NLN: variants seen among roughly 807,000 people sequenced by gnomAD.
The protein encoded by NLN is neurolysin.
A neutral mutation model predicts 79.9 loss-of-function variants in NLN; 64 were observed. The ratio of observed to expected loss-of-function variants is 0.80; its 90% CI spans 0.65 to 0.99. The LOEUF (loss-of-function observed/expected upper bound fraction) is 0.99. Among genes scored for constraint, NLN ranks in the 50% least tolerant of loss-of-function variants. The probability of loss-of-function intolerance (pLI) is 0.00; values close to 1 mark genes in which losing one functional copy is unlikely to be tolerated. For missense variants in NLN, 835 were observed against 858.7 expected (o/e 0.97, Z 0.34); for synonymous variants, 267 against 296.6 (o/e 0.90, Z 1.02).
chr5:65,737,627 T>C (rs1966569), intron 1 of NLN, among the ~76,000 whole-genome samples: 35,974 of 152,010 alleles, frequency 0.24, 4,396 homozygotes, highest in African/African-American at 0.27. Context: ...GGAGTATAGG[T>C]CTAGATCTGG....
chr5:65,778,854 C>T (rs897570093), intron 4 of NLN, among the ~76,000 whole-genome samples: 22 of 152,192 alleles, frequency 1.4e-4, no homozygotes, highest in Admixed American at 2.0e-4. Context: ...CAGTAAACCT[C>T]TCCTCATGTC....
chr5:65,791,169 C>G (rs1383094523), intron 8 of NLN, among the ~76,000 whole-genome samples: 5 of 152,172 alleles, frequency 3.3e-5, no homozygotes, highest in Non-Finnish European at 7.4e-5. Flanking sequence ...TGGCTGTAAT[C>G]CCAGCACTTT....
At chr5:65,813,636 G>A (rs1244225726) in intron 12 of NLN, among the ~76,000 whole-genome samples, 1 of 152,066 alleles carries the variant, frequency 6.6e-6, no homozygotes, top group Non-Finnish European at 1.5e-5. Context: ...AGAAAATTAA[G>A]ATCATTGAAG....
chr5:65,804,035 G>A (rs1371857315), intron 9 of NLN, among the ~76,000 whole-genome samples: 1 of 152,222 alleles, frequency 6.6e-6, no homozygotes, highest in Admixed American at 6.5e-5. Context: ...TTCTAAGGAA[G>A]CACACTGAAA....
chr5:65,745,406 T>A (rs1332638906), intron 1 of NLN, among the ~76,000 whole-genome samples: 1 of 152,180 alleles, frequency 6.6e-6, no homozygotes, highest in African/African-American at 2.4e-5. Flanking sequence ...CAGATACTTT[T>A]CAGTTTATAA....
intron 1 of NLN, among the ~76,000 whole-genome samples, chr5:65,741,770 C>A (rs1329435347): frequency 6.6e-6 from 1 of 152,158 alleles, no homozygotes; most frequent in African/African-American, 2.4e-5. Context: ...ATTTGTGAAG[C>A]AGCACTTGAT....
At chr5:65,732,328 CAGGGGTTCAGATCT>C (rs1253910201) in intron 1 of NLN, among the ~76,000 whole-genome samples, 3 of 89,214 alleles carry the variant, frequency 3.4e-5, no homozygotes, top group Non-Finnish European at 7.7e-5. Context: ...GCTAGTTAGT[CAGGGGTTCAGATCT>C]AGGGAGGGTG....
chr5:65,743,503 A>ATGTT (rs751812577), intron 1 of NLN, among the ~76,000 whole-genome samples: 93 of 152,362 alleles, frequency 6.1e-4, no homozygotes, highest in Non-Finnish European at 1.0e-3. Context: ...AAATAAAAGT[A>ATGTT]TGTTACTCTA....
intron 3 of NLN, among the ~76,000 whole-genome samples, chr5:65,774,655 G>C (rs1035755135): frequency 6.6e-6 from 1 of 151,348 alleles, no homozygotes; most frequent in African/African-American, 2.4e-5. Context: ...GATTTCTGTT[G>C]TGTCATTTTT....
At position 65,810,162 on chromosome 5, in the gene NLN, C is replaced by G. The variant is rs1190494767; in HGVS notation, c.1840C>G (p.Pro614Ala). 6.2e-7 allele frequency: 1 copy of G among 1,613,488 alleles called. No individual in the cohort carries two copies. Among genetic ancestry groups the G allele is most frequent in the Non-Finnish European group, 8.5e-7 (1 of 1,179,618 alleles). The change falls in exon 11 of 13, where the codon CCA (proline) becomes GCA (alanine). Residue 614 changes from proline to alanine, a missense_variant. By Grantham distance (27) the Pro-to-Ala change is conservative. Coordinates refer to ENST00000380985, the MANE Select transcript of NLN (RefSeq NM_020726.5). ...AGAAATATTAGGAGTTGCAGCTACT[C>G]CAGGTATGTAACTACTATGAATTGA... ...CSEILGVAAT[P>A]GTNMPATFGH...
At chr5:65,724,454 T>C (rs927815653) in intron 1 of NLN, among the ~76,000 whole-genome samples, 4 of 152,246 alleles carry the variant, frequency 2.6e-5, no homozygotes, top group African/African-American at 9.6e-5. Flanking sequence ...TATTTCATTG[T>C]ATGTATATAC....
At position 65,738,938 on chromosome 5, in the gene NLN, T is replaced by A. The variant is rs1411847853; in HGVS notation, c.41+16524T>A. Among the ~76,000 whole-genome samples, 264 of 114,754 alleles carry A rather than the reference T, an allele frequency of 2.3e-3. 1 individual carries two copies. Among genetic ancestry groups the A allele is most frequent in the African/African-American group, 8.3e-3 (243 of 29,382 alleles). 75.3% of individuals were successfully genotyped at this position (114,754 alleles called of 152,430 possible). On this transcript the variant is annotated intron_variant, in intron 1 of 12. Transcript: ENST00000380985. ...ATGATATATATGTGTGTATATATAT[T>A]TTTTATATATGTTTATATATATGTA... is the stretch of plus-strand genomic sequence containing the variant.
chr5:65,764,744 A>G lies in NLN; in HGVS notation c.450+1636A>G, dbSNP rs770867978. Among the ~76,000 whole-genome samples, 3 of 152,124 alleles carry G rather than the reference A, an allele frequency of 2.0e-5. No homozygotes were observed. In the East Asian group the frequency reaches 5.8e-4, roughly 29 times the overall value. ...ATTTGGTTCTGTAATTCTGGTTTCT[A>G]TAATTTTTATTGTGTGAACATTTTT... On this transcript the variant is annotated intron_variant, in intron 3 of 12. Transcript: ENST00000380985.
intron 4 of NLN, among the ~76,000 whole-genome samples, chr5:65,779,189 G>A (rs894253263): frequency 4.3e-4 from 66 of 152,122 alleles, no homozygotes; most frequent in African/African-American, 8.7e-4. Context: ...TATAGGACTC[G>A]ACTTTTAAGA....
intron 3 of NLN, among the ~76,000 whole-genome samples, chr5:65,774,850 A>C (rs1409644824): frequency 5.9e-5 from 9 of 151,710 alleles, no homozygotes; most frequent in Admixed American, 5.3e-4. Flanking sequence ...TCAGCCTCCC[A>C]AGTAGCTGGA....
chr5:65,816,707 G>A (rs940413602), intron 12 of NLN, among the ~76,000 whole-genome samples: 1 of 152,046 alleles, frequency 6.6e-6, no homozygotes, highest in South Asian at 2.1e-4. Flanking sequence ...AGTGAGTGGT[G>A]GCTTCAGATA....
At chr5:65,724,265 C>A (rs1461332713) in intron 1 of NLN, among the ~76,000 whole-genome samples, 1 of 152,100 alleles carries the variant, frequency 6.6e-6, no homozygotes, top group Non-Finnish European at 1.5e-5. Context: ...CCCATTACTT[C>A]CTCCCCCAAT....
At chr5:65,738,081 A>C (rs1426120411) in intron 1 of NLN, among the ~76,000 whole-genome samples, 1 of 151,330 alleles carries the variant, frequency 6.6e-6, no homozygotes, top group East Asian at 2.0e-4. Flanking sequence ...GTGAGCCAAG[A>C]TTGCACCATG....
At position 65,810,141 on chromosome 5, in the gene NLN, ATAT is replaced by A; in HGVS notation, c.1822_1824del (p.Leu608del). 2 of 1,614,032 alleles carry A rather than the reference ATAT, an allele frequency of 1.2e-6. No homozygotes were observed. The highest frequency in any genetic ancestry group is 8.5e-7 in the Non-Finnish European group (1 of 1,179,850). On this transcript the variant is annotated inframe_deletion, in exon 11 of 13. Transcript: ENST00000380985. ...TGAATATGCCAAATACTGCTCAGAA[ATAT>A]TAGGAGTTGCAGCTACTCCAGGTAT...
Sources: gnomAD v4.1 joint callset for allele counts (sites outside exome capture counted in the v4.1 genomes callset) on GRCh38, gnomAD v4.1.1 for gene constraint, MANE v1.5 for transcripts, NCBI Gene and HGNC (gene_info 2026-07-23, HGNC 2026-07-21) for gene names.